The following GPC6 variants were observed in gnomAD, a reference collection of about 807,000 sequenced individuals.
GPC6 encodes the protein glypican-6.
GPC6 carries 14 observed loss-of-function variants against 55.2 expected under a neutral mutation model. That is an observed-to-expected ratio of 0.25 (90% CI 0.17 to 0.40). The LOEUF is 0.40. GPC6 is among the 10% of genes least tolerant of loss of function. The probability of loss-of-function intolerance (pLI) is 1.00; values close to 1 mark genes in which losing one functional copy is unlikely to be tolerated. For synonymous variants in GPC6, 278 were observed against 259.6 expected (o/e 1.07, Z -0.68); for missense variants, 641 against 708.5 (o/e 0.90, Z 1.08).
intron 1 of GPC6, among the ~76,000 whole-genome samples, chr13:93,470,264 T>C (rs572580648): frequency 6.6e-6 from 1 of 150,652 alleles, no homozygotes; most frequent in Non-Finnish European, 1.5e-5. Context: ...TTTGTGAATG[T>C]CATTTAATAG....
At chr13:93,256,331 A>T (rs766316148) in intron 1 of GPC6, among the ~76,000 whole-genome samples, 13 of 152,090 alleles carry the variant, frequency 8.5e-5, no homozygotes, top group Non-Finnish European at 1.8e-4. Context: ...GACAAGAGAG[A>T]TCGTCATTTT....
At chr13:93,281,254 C>CATTT (rs1448381452) in intron 1 of GPC6, among the ~76,000 whole-genome samples, 1 of 152,034 alleles carries the variant, frequency 6.6e-6, no homozygotes, top group African/African-American at 2.4e-5. Context: ...TAAACAGCAA[C>CATTT]ATTTATTTAT....
chr13:94,344,116 T>A (rs1166200468), intron 6 of GPC6, among the ~76,000 whole-genome samples: 1 of 152,216 alleles, frequency 6.6e-6, no homozygotes, highest in Admixed American at 6.5e-5. Context: ...TTATTGACGG[T>A]GTTCTCACAA....
rs749699729 is a variant in GPC6, at chr13:94,086,316, T to A, written c.877+58422T>A. Among the ~76,000 whole-genome samples, 8 of 152,224 alleles carry A rather than the reference T, an allele frequency of 5.3e-5. No homozygotes were observed. The South Asian group carries it at 1.7e-3, about 32-fold the overall frequency. ...ATGGCTCAAGTAAGAGTGAAATGGG[T>A]TCACCTTCCCCGGAAACAGGCTGAG... On this transcript the variant is annotated intron_variant, in intron 4 of 8. Transcript: ENST00000377047.
At chr13:94,330,603 T>C (rs1356533563) in intron 6 of GPC6, among the ~76,000 whole-genome samples, 1 of 152,170 alleles carries the variant, frequency 6.6e-6, no homozygotes, top group Non-Finnish European at 1.5e-5. Context: ...TCACAGGTCC[T>C]ACCCCAGGCC....
intron 2 of GPC6, among the ~76,000 whole-genome samples, chr13:93,592,046 T>C (rs908907647): frequency 7.2e-5 from 11 of 152,152 alleles, no homozygotes; most frequent in Non-Finnish European, 1.6e-4. Flanking sequence ...CATATATGTG[T>C]TTCTGATGAA....
intron 1 of GPC6, among the ~76,000 whole-genome samples, chr13:93,430,324 A>T (rs1178140573): frequency 7.1e-6 from 1 of 141,838 alleles, no homozygotes; most frequent in African/African-American, 2.6e-5. Context: ...TAACATTATT[A>T]TACTTTGAGC....
chr13:93,674,549 T>C (rs1881503946), intron 2 of GPC6, among the ~76,000 whole-genome samples: 1 of 152,188 alleles, frequency 6.6e-6, no homozygotes, highest in Non-Finnish European at 1.5e-5. Context: ...CCATCTTGGG[T>C]GAAATACATT....
chr13:94,275,703 A>AT (rs987812581), intron 4 of GPC6, among the ~76,000 whole-genome samples: 5 of 151,840 alleles, frequency 3.3e-5, no homozygotes, highest in African/African-American at 9.7e-5. Context: ...GGTTTTCTTG[A>AT]TTTTTTTTAA....
intron 1 of GPC6, among the ~76,000 whole-genome samples, chr13:93,510,501 A>G (rs1305260115): frequency 2.0e-5 from 3 of 152,036 alleles, no homozygotes; most frequent in Non-Finnish European, 4.4e-5. Context: ...GTGATTTTAT[A>G]CTTTTTAATT....
At chr13:94,224,735 A>G (rs1054692491) in intron 4 of GPC6, among the ~76,000 whole-genome samples, 5 of 152,218 alleles carry the variant, frequency 3.3e-5, no homozygotes, top group East Asian at 1.9e-4. Context: ...AAACACCCTC[A>G]TAATAAGCAG....
At chr13:93,531,040 AG>A (rs1302745653) in intron 1 of GPC6, among the ~76,000 whole-genome samples, 1 of 152,140 alleles carries the variant, frequency 6.6e-6, no homozygotes, top group African/African-American at 2.4e-5. Flanking sequence ...GATACTGAAA[AG>A]GGAATAAAAA....
At chr13:94,237,882 C>CA (rs1183313980) in intron 4 of GPC6, among the ~76,000 whole-genome samples, 4 of 152,044 alleles carry the variant, frequency 2.6e-5, no homozygotes, top group Non-Finnish European at 5.9e-5. Flanking sequence ...GAATAATGAG[C>CA]AAAAATGAAA....
chr13:93,759,271 G>A (rs1216634011), intron 2 of GPC6, among the ~76,000 whole-genome samples: 1 of 152,124 alleles, frequency 6.6e-6, no homozygotes, highest in African/African-American at 2.4e-5. Flanking sequence ...TTATTCAGTA[G>A]TGTCCCCATA....
chr13:93,363,367 G>T (rs1037030022), intron 1 of GPC6, among the ~76,000 whole-genome samples: 13 of 149,158 alleles, frequency 8.7e-5, no homozygotes, highest in Non-Finnish European at 1.5e-4. Context: ...TCCCACCTAT[G>T]AGTGAGAATA....
chr13:94,039,262 T>A (rs1240139582), intron 4 of GPC6, among the ~76,000 whole-genome samples: 1 of 151,850 alleles, frequency 6.6e-6, no homozygotes, highest in Non-Finnish European at 1.5e-5. Flanking sequence ...AGGCACAGGG[T>A]TTTTTTATCC....
chr13:93,649,493 A>G (rs1309833670), intron 2 of GPC6, among the ~76,000 whole-genome samples: 1 of 152,148 alleles, frequency 6.6e-6, no homozygotes, highest in East Asian at 1.9e-4. Context: ...TCTAAATCAA[A>G]CACAACGCAT....
chr13:93,971,312 A>G (rs1447655755), intron 3 of GPC6, among the ~76,000 whole-genome samples: 1 of 152,216 alleles, frequency 6.6e-6, no homozygotes, highest in Non-Finnish European at 1.5e-5. Context: ...TCTATATAAT[A>G]GGAATGTGAA....
chr13:94,361,277 T>C (rs1879046891), intron 6 of GPC6, among the ~76,000 whole-genome samples: 1 of 152,220 alleles, frequency 6.6e-6, no homozygotes, highest in Non-Finnish European at 1.5e-5. Context: ...ACAAGCAGGC[T>C]TCATGGGATA....
Sources: gnomAD v4.1 joint callset for allele counts (sites outside exome capture counted in the v4.1 genomes callset) on GRCh38, gnomAD v4.1.1 for gene constraint, MANE v1.5 for transcripts, NCBI Gene and HGNC (gene_info 2026-07-23, HGNC 2026-07-21) for gene names.